The following CACNA2D4 variants were observed in gnomAD, a reference collection of about 807,000 sequenced individuals.
CACNA2D4 encodes the protein calcium voltage-gated channel auxiliary subunit alpha2delta 4.
A neutral mutation model predicts 163.8 loss-of-function variants in CACNA2D4; 157 were observed. The observed-to-expected ratio is 0.96, with a 90% CI of 0.84 to 1.09. The LOEUF (loss-of-function observed/expected upper bound fraction) is 1.09. CACNA2D4 is among the 50% of genes least tolerant of loss of function. The pLI, the probability that CACNA2D4 is intolerant of heterozygous loss-of-function variation, is 0.00. For synonymous variants in CACNA2D4, 598 were observed against 586.9 expected (o/e 1.02, Z -0.27); for missense variants, 1,410 against 1,479.9 (o/e 0.95, Z 0.78).
chr12:1,825,898 T>G (rs1231000294), intron 26 of CACNA2D4, among the ~76,000 whole-genome samples: 3 of 152,182 alleles, frequency 2.0e-5, no homozygotes, highest in Non-Finnish European at 1.5e-5. Flanking sequence ...TGGGTGGCCG[T>G]GGACTGTGAG....
At position 1,874,034 on chromosome 12, in the gene CACNA2D4, C is replaced by A. The variant is rs1009773112; in HGVS notation, c.1878+570G>T. Among the ~76,000 whole-genome samples the A allele has an allele frequency of 1.3e-5, 2 of 152,052 alleles. No individual in the cohort carries two copies. Among genetic ancestry groups the A allele is most frequent in the Non-Finnish European group, 2.9e-5 (2 of 68,000 alleles). On this transcript the variant is annotated intron_variant, in intron 18 of 37. Coordinates refer to ENST00000382722, the MANE Select transcript of CACNA2D4 (RefSeq NM_172364.5). This position sits in a 1 kb window ranked among gnomAD's most constrained non-coding sequence, Gnocchi z 4.4. ...GAGGAGGTGACATTTGTAAATATGT[C>A]AAGGGACAATGCAGAATCAGTAGAC...
intron 18 of CACNA2D4, among the ~76,000 whole-genome samples, chr12:1,866,929 G>T (rs1289222143): frequency 6.6e-6 from 1 of 152,000 alleles, no homozygotes; most frequent in Non-Finnish European, 1.5e-5. Context: ...TACTGCCCCG[G>T]CCTGAAAATG....
rs202193340 is a variant in CACNA2D4 at position 1,834,506 on chromosome 12, C to T, written c.2551+6233G>A. 6.6e-5 allele frequency: 106 copies of T among 1,607,202 alleles called. No individual in the cohort carries two copies. Among genetic ancestry groups the T allele is most frequent in the East Asian group, 2.2e-5 (1 of 44,876 alleles). ...AGCCTGCCCACAGAAGCAGAGGCAC[C>T]GGCCGGCGAGCGTGAGGCGAGCCAT... On this transcript the variant is annotated intron_variant, in intron 26 of 37. Transcript: ENST00000382722. The surrounding 1 kb of genome is among the most constrained non-coding windows in gnomAD (Gnocchi z 7.6).
intron 23 of CACNA2D4, among the ~76,000 whole-genome samples, chr12:1,851,897 AG>A (rs1865291988): frequency 6.6e-6 from 1 of 151,090 alleles, no homozygotes; most frequent in East Asian, 2.0e-4. Flanking sequence ...TGTTTTCAGG[AG>A]TGTTTCATAA....
intron 37 of CACNA2D4, among the ~76,000 whole-genome samples, chr12:1,794,477 C>G (rs59531145): frequency 0.024 from 3,692 of 152,262 alleles, 139 homozygotes; most frequent in African/African-American, 0.085. Context: ...CTCGGTCCCA[C>G]AAGGTGGCCG....
chr12:1,800,449 G>A lies in CACNA2D4; in HGVS notation c.2869-11C>T, dbSNP rs763579663. 1 of 1,613,714 alleles carries A rather than the reference G, an allele frequency of 6.2e-7. No homozygotes were observed. The highest frequency in any genetic ancestry group is 2.2e-5 in the East Asian group (1 of 44,872). ...GAAGGCAGAAATTGGCTGGGAAGGA[G>A]AGAGTGCACACCGCTCGCACCTAGG... On this transcript the variant is annotated splice_polypyrimidine_tract_variant and intron_variant, in intron 31 of 37. Coordinates refer to ENST00000382722, the MANE Select transcript of CACNA2D4 (RefSeq NM_172364.5).
At position 1,885,969 on chromosome 12, in the gene CACNA2D4, C is replaced by T. The variant is rs781209342; in HGVS notation, c.1064G>A (p.Arg355Gln). The change falls in exon 9 of 38, where the codon CGA becomes CAA. Residue 355 changes from arginine (R) to glutamine (Q), a missense_variant. By Grantham distance (43) the Arg-to-Gln change is conservative (BLOSUM62 1). Coordinates refer to ENST00000382722, the MANE Select transcript of CACNA2D4 (RefSeq NM_172364.5). ...GILVQADRDN[R>Q]EHFKLLVEEL... ...CAGGCCACCGTGGACACTCACCTCTCGATTGTCTCGGTCCGCCTGGACGAG... is the reference window on the plus strand; with the variant it reads ...CAGGCCACCGTGGACACTCACCTCTTGATTGTCTCGGTCCGCCTGGACGAG... 3.4e-5 allele frequency: 55 copies of T among 1,611,626 alleles called. No homozygotes were observed. Among genetic ancestry groups the T allele is most frequent in the East Asian group, 1.6e-4 (7 of 44,854 alleles).
chr12:1,885,454 G>A (rs1306284431), intron 9 of CACNA2D4, among the ~76,000 whole-genome samples: 1 of 152,150 alleles, frequency 6.6e-6, no homozygotes, highest in Non-Finnish European at 1.5e-5. Context: ...AGGTGCCCAG[G>A]GCAGAGGCCC....
At chr12:1,793,796 A>G in intron 37 of CACNA2D4, 37 bp from the exon 38 acceptor site, 1 of 1,556,126 alleles carries the variant, frequency 6.4e-7, no homozygotes, top group Non-Finnish European at 8.8e-7. Flanking sequence ...CGCGGCGCTC[A>G]GAGGAGGACC....
At chr12:1,811,907 G>A in intron 26 of CACNA2D4, 184 bp from the exon 27 acceptor site, 1 of 592,892 alleles carries the variant, frequency 1.7e-6, no homozygotes, top group Non-Finnish European at 3.0e-6. Flanking sequence ...GGTGGGGGAA[G>A]AACAGAGACG....
At chr12:1,813,951 C>T (rs190386839) in intron 26 of CACNA2D4, among the ~76,000 whole-genome samples, 194 of 152,276 alleles carry the variant, frequency 1.3e-3, no homozygotes, top group Non-Finnish European at 2.2e-3. Context: ...GGTCTCTTCT[C>T]CTTCTTTTCC....
In CACNA2D4 at chr12:1,878,987, C is replaced by G. The variant is rs1865937595; in HGVS notation, c.1613G>C (p.Arg538Thr). 6.2e-7 allele frequency: 1 copy of G among 1,613,792 alleles called. No homozygotes were observed. The highest frequency in any genetic ancestry group is 1.7e-5 in the Admixed American group (1 of 60,000). ...CCGGGGCGCCAGCTTCATCAGCTCT[C>G]TCAGGGCCACATCTGAGCCCACCAC... ...LGVVGSDVALRELMKLAPRYK... is the reference protein window; with the variant it reads ...LGVVGSDVALTELMKLAPRYK... The change falls in exon 15 of 38, where the codon AGA (arginine) becomes ACA (threonine). Residue 538 changes from arginine (R) to threonine (T), a missense_variant. Physicochemically the swap from Arg to Thr is moderately conservative, Grantham distance 71. Transcript: ENST00000382722. The surrounding 1 kb of genome is among the most constrained non-coding windows in gnomAD (Gnocchi z 4.6).
chr12:1,886,434 C>A, intron 7 of CACNA2D4, 61 bp from the exon 8 acceptor site: 1 of 1,507,650 alleles, frequency 6.6e-7, no homozygotes, highest in Non-Finnish European at 9.1e-7. Context: ...AATACCTGAC[C>A]AAGGGGTCTG....
chr12:1,847,322 C>T (rs557361368), intron 23 of CACNA2D4, among the ~76,000 whole-genome samples: 4 of 152,190 alleles, frequency 2.6e-5, no homozygotes, highest in Non-Finnish European at 5.9e-5. Context: ...TTGTCTTTGG[C>T]ACAGTGGATA....
intron 6 of CACNA2D4, among the ~76,000 whole-genome samples, chr12:1,900,348 T>C (rs188917692): frequency 1.4e-3 from 213 of 152,312 alleles, no homozygotes; most frequent in Non-Finnish European, 1.9e-3. Context: ...TTACCCAGGC[T>C]GGTCTTGAAT....
chr12:1,797,181 C>T (rs1863154197), intron 35 of CACNA2D4, among the ~76,000 whole-genome samples: 1 of 152,348 alleles, frequency 6.6e-6, no homozygotes, highest in African/African-American at 2.4e-5. Flanking sequence ...CTCTCCCCAT[C>T]CCGGCTGTCC....
chr12:1,835,924 G>C (rs1466353064), intron 26 of CACNA2D4: 2 of 152,570 alleles, frequency 1.3e-5, no homozygotes, highest in East Asian at 1.9e-4. Context: ...GCTGGGACTT[G>C]GTGGTGCTTT....
rs1592707536 is a variant in CACNA2D4, at chr12:1,846,626, G to A, written c.2310C>T (p.Ser770=). The change falls in exon 24 of 38, where the codon AGC becomes AGT. Residue 770 remains serine, a synonymous_variant. Coordinates refer to ENST00000382722, the MANE Select transcript of CACNA2D4 (RefSeq NM_172364.5). ...AGACCTTCTCGGAGCCCACGAACAAGCTGCTTCTCAGGAGGCCAGCCCGGG... is the reference window on the plus strand; with the variant it reads ...AGACCTTCTCGGAGCCCACGAACAAACTGCTTCTCAGGAGGCCAGCCCGGG... The part of the protein sequence containing the change: ...LGTRAGLLRS[S]LFVGSEKVSD... The A allele has an allele frequency of 6.2e-7, 1 of 1,603,718 alleles. No homozygotes were observed. The highest frequency in any genetic ancestry group is 8.5e-7 in the Non-Finnish European group (1 of 1,177,290).
rs1203796222 is a variant in CACNA2D4 at position 1,798,756 on chromosome 12, G to C, written c.2995+919C>G. 6.6e-6 allele frequency among the ~76,000 whole-genome samples: 1 copy of C among 152,140 alleles called. No individual in the cohort carries two copies. The highest frequency in any genetic ancestry group is 2.4e-5 in the African/African-American group (1 of 41,422). ...AATTCTGAGCAGGCAGATTGAGGGG[G>C]ATCATCTTCAACTTTTGCAAGATGC... On this transcript the variant is annotated intron_variant, in intron 34 of 37. Coordinates refer to ENST00000382722, the MANE Select transcript of CACNA2D4 (RefSeq NM_172364.5). The surrounding 1 kb of genome is among the most constrained non-coding windows in gnomAD (Gnocchi z 4.3).
Sources: gnomAD v4.1 joint callset for allele counts (sites outside exome capture counted in the v4.1 genomes callset) on GRCh38, gnomAD v4.1.1 for gene constraint, Gnocchi (gnomAD v3.1) non-coding constraint, MANE v1.5 for transcripts, NCBI Gene and HGNC (gene_info 2026-07-23, HGNC 2026-07-21) for gene names.